BEND3: variants seen among roughly 807,000 people sequenced by gnomAD.
BEND3 encodes BEN domain-containing protein 3.
Under a neutral mutation model 60.1 loss-of-function variants are expected in BEND3, and 13 were observed. That is an observed-to-expected ratio of 0.22 (90% CI 0.14 to 0.34). The LOEUF is 0.34. Among genes scored for constraint, BEND3 ranks in the 10% least tolerant of loss-of-function variants. BEND3 has a pLI of 1.00. For missense variants in BEND3, 896 were observed against 1,138.1 expected (o/e 0.79, Z 3.06); for synonymous variants, 497 against 491.5 (o/e 1.01, Z -0.15).
chr6:107,073,435 G>T (rs1181510705), intron 3 of BEND3, among the ~76,000 whole-genome samples: 3 of 151,094 alleles, frequency 2.0e-5, no homozygotes, highest in Admixed American at 1.3e-4. Context: ...TTGCCAAGCT[G>T]TCCCCATCCT....
chr6:107,092,182 G>A (rs1211574998), intron 3 of BEND3, among the ~76,000 whole-genome samples: 10 of 150,644 alleles, frequency 6.6e-5, no homozygotes, highest in African/African-American at 9.8e-5. Flanking sequence ...GCTTGAACCC[G>A]GGAGGCGGAG....
chr6:107,110,807 G>A (rs1187451403), intron 1 of BEND3, among the ~76,000 whole-genome samples: 7 of 151,630 alleles, frequency 4.6e-5, no homozygotes, highest in African/African-American at 9.7e-5. Flanking sequence ...CACCCACCTC[G>A]GCCTCCCAAA....
intron 3 of BEND3, among the ~76,000 whole-genome samples, chr6:107,081,369 C>T (rs1775229561): frequency 1.3e-5 from 2 of 151,848 alleles, no homozygotes; most frequent in Admixed American, 1.3e-4. Context: ...TACAGACGCC[C>T]ACCACTACGC....
intron 3 of BEND3, among the ~76,000 whole-genome samples, chr6:107,095,103 G>A (rs1210590598): frequency 6.6e-6 from 1 of 152,012 alleles, no homozygotes; most frequent in African/African-American, 2.4e-5. Context: ...GATTACAGGT[G>A]TTAAACCACC....
chr6:107,100,880 G>A (rs1285872558), intron 1 of BEND3, among the ~76,000 whole-genome samples: 2 of 152,192 alleles, frequency 1.3e-5, no homozygotes, highest in African/African-American at 4.8e-5. Context: ...TTGAGGATGA[G>A]TGGAGAGCAG....
intron 3 of BEND3, among the ~76,000 whole-genome samples, chr6:107,083,598 C>T (rs566997277): frequency 6.6e-6 from 1 of 152,016 alleles, no homozygotes; most frequent in South Asian, 2.1e-4. Context: ...GGTCACACTA[C>T]TGCACTCACC....
At chr6:107,099,138 G>T in intron 2 of BEND3, 111 bp downstream of exon 2, 1 of 838,102 alleles carries the variant, frequency 1.2e-6, no homozygotes, top group Non-Finnish European at 2.0e-6. Context: ...TGTGTGGGTG[G>T]AGGGGACTTT....
chr6:107,096,963 C>T (rs1254599907), intron 3 of BEND3, among the ~76,000 whole-genome samples: 5 of 152,012 alleles, frequency 3.3e-5, no homozygotes, highest in Admixed American at 6.6e-5. Context: ...CCAGCCTGGG[C>T]GACAGAGCGA....
At chr6:107,114,976 C>T (rs1176986267) in intron 1 of BEND3, 114 bp downstream of exon 1, 2 of 148,616 alleles carry the variant, frequency 1.3e-5, no homozygotes, top group Non-Finnish European at 3.0e-5. Context: ...CGTCCCCTCC[C>T]CTGCTCCCGC....
rs1770236373 is a variant in BEND3 at position 107,115,070 on chromosome 6, T to A, written c.-12+20A>T. 6.7e-6 allele frequency: 1 copy of A among 148,902 alleles called. No homozygotes were observed. The highest frequency in any genetic ancestry group is 1.5e-5 in the Non-Finnish European group (1 of 66,964). The allele number at this position is 148,902 out of a possible 1,614,324, so 9.2% of individuals were successfully genotyped here. ...ACGCTGCCGCCGCCGCGCGGCCGGC[T>A]TGATCCGCCCCGCACTTACCTGGGA... On this transcript the variant is annotated intron_variant, in intron 1 of 3. Transcript: ENST00000369042.
intron 3 of BEND3, among the ~76,000 whole-genome samples, chr6:107,089,835 TTCAC>T (rs1195702470): frequency 6.6e-6 from 1 of 150,904 alleles, no homozygotes; most frequent in Admixed American, 6.6e-5. Context: ...CCTCAAATGA[TTCAC>T]TCACCTCAGC....
At chr6:107,112,663 G>A (rs1162574075) in intron 1 of BEND3, among the ~76,000 whole-genome samples, 1 of 152,004 alleles carries the variant, frequency 6.6e-6, no homozygotes, top group African/African-American at 2.4e-5. Flanking sequence ...AGACCAGCCT[G>A]ACCAACATGC....
At chr6:107,088,994 A>C (rs1554234744) in intron 3 of BEND3, among the ~76,000 whole-genome samples, 2 of 152,060 alleles carry the variant, frequency 1.3e-5, no homozygotes, top group Non-Finnish European at 2.9e-5. Flanking sequence ...AAAAATACAA[A>C]ACTTAGCTGG....
At chr6:107,107,948 C>T (rs1283998179) in intron 1 of BEND3, among the ~76,000 whole-genome samples, 7 of 152,196 alleles carry the variant, frequency 4.6e-5, no homozygotes, top group African/African-American at 1.7e-4. Flanking sequence ...TCTGGTGCCG[C>T]GGGTCTCTGG....
chr6:107,103,975 GA>G (rs1775758736), intron 1 of BEND3, among the ~76,000 whole-genome samples: 1 of 148,878 alleles, frequency 6.7e-6, no homozygotes, highest in Non-Finnish European at 1.5e-5. Flanking sequence ...AAGAAAGAAA[GA>G]AAGAAAGAAA....
At chr6:107,100,842 G>A (rs868972555) in intron 1 of BEND3, among the ~76,000 whole-genome samples, 3 of 152,304 alleles carry the variant, frequency 2.0e-5, no homozygotes, top group Admixed American at 6.5e-5. Flanking sequence ...TGATTAAGCT[G>A]ACTACAAACA....
intron 3 of BEND3, among the ~76,000 whole-genome samples, chr6:107,078,671 C>T (rs1554233104): frequency 1.3e-5 from 2 of 151,104 alleles, no homozygotes; most frequent in African/African-American, 4.9e-5. Context: ...ATGCTGCGTC[C>T]TCATGTGGAC....
At chr6:107,104,944 T>C (rs1400026751) in intron 1 of BEND3, among the ~76,000 whole-genome samples, 4 of 151,942 alleles carry the variant, frequency 2.6e-5, no homozygotes, top group Non-Finnish European at 5.9e-5. Flanking sequence ...GGATTAGAGG[T>C]GTGAGCCACT....
chr6:107,097,790 C>CAAAAAAAAAAAAAAA (rs10674719), intron 3 of BEND3, among the ~76,000 whole-genome samples: 1 of 53,350 alleles, frequency 1.9e-5, no homozygotes, highest in Non-Finnish European at 3.2e-5. Context: ...AACTCCGTCT[C>CAAAAAAAAAAAAAAA]AAAAAAAAAA....
Sources: gnomAD v4.1 joint callset for allele counts (sites outside exome capture counted in the v4.1 genomes callset) on GRCh38, gnomAD v4.1.1 for gene constraint, MANE v1.5 for transcripts, NCBI Gene and HGNC (gene_info 2026-07-23, HGNC 2026-07-21) for gene names.